The following PHACTR4 variants were observed in gnomAD, a reference collection of about 807,000 sequenced individuals.
PHACTR4 encodes the protein protein phosphatase 1, regulatory subunit 124.
A neutral mutation model predicts 72.7 loss-of-function variants in PHACTR4; 51 were observed. The ratio of observed to expected loss-of-function variants is 0.70; its 90% CI spans 0.56 to 0.89. The LOEUF (loss-of-function observed/expected upper bound fraction) is 0.89. PHACTR4 is among the 40% of genes least tolerant of loss of function. The probability of loss-of-function intolerance (pLI) is 0.00; values close to 1 mark genes in which losing one functional copy is unlikely to be tolerated. For missense variants in PHACTR4, 731 were observed against 861.8 expected (o/e 0.85, Z 1.90); for synonymous variants, 255 against 302.5 (o/e 0.84, Z 1.63).
At chr1:28,372,101 T>C (rs1569707267) in intron 1 of PHACTR4, among the ~76,000 whole-genome samples, 1 of 151,042 alleles carries the variant, frequency 6.6e-6, no homozygotes. Flanking sequence ...GCCAGGCTGG[T>C]CTGGAACTCC....
chr1:28,494,576 C>T (rs1661229882), intron 13 of PHACTR4, among the ~76,000 whole-genome samples: 2 of 152,148 alleles, frequency 1.3e-5, no homozygotes, highest in African/African-American at 2.4e-5. Context: ...CACTTGAACC[C>T]CGGAAGCAGA....
intron 1 of PHACTR4, among the ~76,000 whole-genome samples, chr1:28,374,137 T>C (rs1569716019): frequency 6.6e-6 from 1 of 152,326 alleles, no homozygotes; most frequent in Non-Finnish European, 1.5e-5. Flanking sequence ...ATGCTGTGAT[T>C]ACCTTGTGCC....
chr1:28,370,272 C>A (rs1651131194), intron 1 of PHACTR4, among the ~76,000 whole-genome samples: 1 of 152,190 alleles, frequency 6.6e-6, no homozygotes, highest in African/African-American at 2.4e-5. Flanking sequence ...TGCACCCCTG[C>A]TGGGCAGAAC....
At chr1:28,480,323 ATT>A in intron 8 of PHACTR4, 126 bp from the exon 9 acceptor site, 2 of 1,095,030 alleles carry the variant, frequency 1.8e-6, no homozygotes. Context: ...CAGCTGGATC[ATT>A]TGAGGCCAGG....
chr1:28,491,124 T>G (rs1249644078), intron 11 of PHACTR4, 112 bp downstream of exon 11: 1 of 1,087,786 alleles, frequency 9.2e-7, no homozygotes. Flanking sequence ...ATCCCAGCAC[T>G]TTGGAAGGCC....
At position 28,480,511 on chromosome 1, in the gene PHACTR4, C is replaced by T. The variant is rs1336668659; in HGVS notation, c.1667C>T (p.Pro556Leu). ...CTGGCAATGAAGTTGAACCACAGAC[C>T]CAGTGAACCAGAGTTGAACCTGAAT... ...DTLAMKLNHR[P>L]SEPELNLNSW... is the part of the protein sequence containing the mutation. The change falls in exon 9 of 14, where the codon CCC (proline) becomes CTC (leucine). Residue 556 changes from proline (P) to leucine (L), a missense_variant. By Grantham distance (98) the Pro-to-Leu change is moderately conservative. Transcript: ENST00000373839. The T allele has an allele frequency of 1.2e-6, 2 of 1,614,108 alleles. No individual in the cohort carries two copies. Among genetic ancestry groups the T allele is most frequent in the Non-Finnish European group, 1.7e-6 (2 of 1,180,034 alleles).
chr1:28,389,287 AACC>A (rs1652811818), intron 1 of PHACTR4, among the ~76,000 whole-genome samples: 1 of 152,154 alleles, frequency 6.6e-6, no homozygotes. Flanking sequence ...TGCAAATTAA[AACC>A]ACAATGAGAT....
At chr1:28,441,823 C>T (rs184495965) in intron 2 of PHACTR4, among the ~76,000 whole-genome samples, 77 of 152,038 alleles carry the variant, frequency 5.1e-4, no homozygotes, top group African/African-American at 1.6e-3. Flanking sequence ...AGGGCAACAC[C>T]GTTTCTACAA....
chr1:28,428,607 T>G (rs543899806), intron 2 of PHACTR4, among the ~76,000 whole-genome samples: 1 of 152,376 alleles, frequency 6.6e-6, no homozygotes, highest in South Asian at 2.1e-4. Flanking sequence ...TTTAAACATA[T>G]ACATTACTTC....
chr1:28,390,093 C>T (rs1200568121), intron 1 of PHACTR4, among the ~76,000 whole-genome samples: 2 of 152,142 alleles, frequency 1.3e-5, no homozygotes, highest in African/African-American at 2.4e-5. Flanking sequence ...GAGGATATTA[C>T]ATTAAGTGAA....
At chr1:28,451,219 G>T (rs1184527510) in intron 2 of PHACTR4, among the ~76,000 whole-genome samples, 3 of 151,240 alleles carry the variant, frequency 2.0e-5, no homozygotes, top group Non-Finnish European at 4.4e-5. Context: ...CTTCCAATGT[G>T]CTGGGATTAC....
intron 1 of PHACTR4, among the ~76,000 whole-genome samples, chr1:28,395,202 A>G (rs4908420): frequency 0.39 from 58,540 of 151,804 alleles, 12,976 homozygotes; most frequent in African/African-American, 0.6. Flanking sequence ...ATGAGCCACC[A>G]GGCCCGGCTG....
At chr1:28,479,214 A>T (rs569017316) in intron 8 of PHACTR4, among the ~76,000 whole-genome samples, 1 of 152,032 alleles carries the variant, frequency 6.6e-6, no homozygotes, top group Non-Finnish European at 1.5e-5. Flanking sequence ...TGAGGTCAGG[A>T]GTTCGAGATC....
At chr1:28,430,258 T>C (rs574160512) in intron 2 of PHACTR4, among the ~76,000 whole-genome samples, 27 of 152,296 alleles carry the variant, frequency 1.8e-4, no homozygotes, top group African/African-American at 6.0e-4. Flanking sequence ...TCTGCTGACC[T>C]CGTGATCTGT....
At chr1:28,374,179 A>G (rs1378408121) in intron 1 of PHACTR4, among the ~76,000 whole-genome samples, 3 of 152,192 alleles carry the variant, frequency 2.0e-5, no homozygotes, top group Non-Finnish European at 4.4e-5. Context: ...GCAACGCTCA[A>G]AAAGTGGTGA....
At chr1:28,369,881 C>G (rs6703793) in intron 1 of PHACTR4, 56 bp downstream of exon 1, 137,155 of 418,556 alleles carry the variant, frequency 0.33, 25,219 homozygotes, top group African/African-American at 0.59. Context: ...CAGGCTGCGG[C>G]CTCCTCTCAG....
At chr1:28,383,703 T>G (rs1557776841) in intron 1 of PHACTR4, among the ~76,000 whole-genome samples, 1 of 152,170 alleles carries the variant, frequency 6.6e-6, no homozygotes, top group Non-Finnish European at 1.5e-5. Flanking sequence ...GTTGATTTTG[T>G]ATCCTGAAAT....
At chr1:28,474,758 G>C (rs1042180488) in intron 7 of PHACTR4, among the ~76,000 whole-genome samples, 18 of 151,698 alleles carry the variant, frequency 1.2e-4, no homozygotes, top group Admixed American at 1.2e-3. Flanking sequence ...GGCCAGGCTG[G>C]TCTCGAACTC....
chr1:28,466,627 T>C lies in PHACTR4; in HGVS notation c.682T>C (p.Ser228Pro), dbSNP rs1570044366. Residue 228 changes from serine (S) to proline (P), a missense_variant, in exon 6 of 14, where the codon TCC becomes CCC. Ser to Pro is a moderately conservative substitution (Grantham distance 74, BLOSUM62 -1). This residue lies in a region of PHACTR4 where 621 missense variants were observed against 676.6 expected (regional missense o/e 0.92). Transcript: ENST00000373839. The stretch of plus-strand genomic sequence containing the variant: ...GACTGTTAATCTCTCTGTCACCCCT[T>C]CCCCAGCACCCAGGACTCTGCCTGC... ...AKTVNLSVTP[S>P]PAPRTLPAAP... The C allele has an allele frequency of 6.2e-7, 1 of 1,613,756 alleles. No individual in the cohort carries two copies. The highest frequency in any genetic ancestry group is 1.1e-5 in the South Asian group (1 of 91,064).
Sources: allele counts gnomAD v4.1 joint callset (sites outside exome capture counted in the v4.1 genomes callset), GRCh38; gene constraint gnomAD v4.1.1; regional missense constraint gnomAD v4.1.1; transcripts MANE v1.5; gene names NCBI Gene and HGNC (gene_info 2026-07-23, HGNC 2026-07-21).